Variants in PDE8B observed in about 807,000 individuals in gnomAD.
PDE8B encodes the protein phosphodiesterase 8B.
A neutral mutation model predicts 101.3 loss-of-function variants in PDE8B; 26 were observed. The ratio of observed to expected loss-of-function variants is 0.26; its 90% confidence interval spans 0.19 to 0.36. The LOEUF (loss-of-function observed/expected upper bound fraction) is 0.36, where lower values mean the gene tolerates loss of function less well. Ranked by LOEUF, PDE8B falls within the 10% of genes least tolerant of loss-of-function variation. PDE8B has a pLI of 1.00. For missense variants in PDE8B, 810 were observed against 1,163.1 expected (o/e 0.70, Z 4.42); for synonymous variants, 424 against 429.3 (o/e 0.99, Z 0.15).
the PDE8B span, among the ~76,000 whole-genome samples, chr5:77,204,432 C>T: frequency 3.5e-4 from 52 of 148,158 alleles, no homozygotes; most frequent in Non-Finnish European, 5.1e-4. Flanking sequence ...AAAAAGTATT[C>T]ATGTTAATCA....
At position 77,427,245 on chromosome 5, in the gene PDE8B, TAACAA is replaced by T. The variant is rs1337371226; in HGVS notation, c.*693_*697del. On this transcript the variant is annotated 3_prime_UTR_variant, in exon 22 of 22. Coordinates refer to ENST00000264917, the MANE Select transcript of PDE8B (RefSeq NM_003719.5). ...CCTTTCCTGTAAAAGGGGTTCATCT[TAACAA>T]AGTCATCCATGATGAGGGAAAAAGT... The T allele has an allele frequency of 2.6e-5, 4 of 152,638 alleles. No homozygotes were observed. Among genetic ancestry groups the T allele is most frequent in the African/African-American group, 9.6e-5 (4 of 41,538 alleles). 9.5% of individuals were successfully genotyped at this position (152,638 alleles called of 1,614,324 possible).
chr5:77,121,173 C>T, the PDE8B span, among the ~76,000 whole-genome samples: 60 of 152,320 alleles, frequency 3.9e-4, no homozygotes, highest in African/African-American at 1.4e-3. Flanking sequence ...TCAGGGTCTG[C>T]CATGACATTA....
At chr5:77,131,834 C>T in the PDE8B span, among the ~76,000 whole-genome samples, 1 of 152,188 alleles carries the variant, frequency 6.6e-6, no homozygotes, top group East Asian at 1.9e-4. Flanking sequence ...ATTGATAGGG[C>T]CCCTTTCCAG....
intron 1 of PDE8B, among the ~76,000 whole-genome samples, chr5:77,242,321 T>C (rs751793095): frequency 1.3e-4 from 20 of 152,178 alleles, no homozygotes; most frequent in Non-Finnish European, 2.2e-4. Flanking sequence ...GGTGGCCAAA[T>C]ATCAGTAGCA....
In PDE8B at chr5:77,282,333, C is replaced by G. The variant is rs562166399; in HGVS notation, c.340-29661C>G. On this transcript the variant is annotated intron_variant, in intron 1 of 21. Transcript: ENST00000264917. Reference sequence around the variant, plus strand: ...CTCTCTCCCAGCAGGATAAGTGCAGCTCAGGAACCCAAGCAGAGGACTGTG... The same window carrying G: ...CTCTCTCCCAGCAGGATAAGTGCAGGTCAGGAACCCAAGCAGAGGACTGTG... 5.3e-5 allele frequency among the ~76,000 whole-genome samples: 8 copies of G among 152,110 alleles called. No homozygotes were observed. In the South Asian group the frequency reaches 1.7e-3, roughly 32 times the overall value.
At chr5:77,179,083 A>G in the PDE8B span, among the ~76,000 whole-genome samples, 1 of 152,344 alleles carries the variant, frequency 6.6e-6, no homozygotes, top group East Asian at 1.9e-4. Context: ...GACACCAGGC[A>G]ATGGGGATCA....
chr5:77,371,991 A>G (rs895660671), intron 10 of PDE8B, among the ~76,000 whole-genome samples: 1 of 152,112 alleles, frequency 6.6e-6, no homozygotes, highest in Non-Finnish European at 1.5e-5. Flanking sequence ...ACTTCAGGCC[A>G]GGAGTTTGAG....
intron 1 of PDE8B, among the ~76,000 whole-genome samples, chr5:77,276,347 C>G (rs535140987): frequency 1.3e-5 from 2 of 152,218 alleles, no homozygotes; most frequent in African/African-American, 4.8e-5. Context: ...GCTCAAAGGC[C>G]TCTACCTCAG....
intron 2 of PDE8B, among the ~76,000 whole-genome samples, chr5:77,318,123 G>T (rs1774242106): frequency 6.6e-6 from 1 of 151,558 alleles, no homozygotes; most frequent in Non-Finnish European, 1.5e-5. Flanking sequence ...ATGTTGTAGG[G>T]CATGGGTTTT....
chr5:77,125,684 A>C, the PDE8B span, among the ~76,000 whole-genome samples: 2 of 152,238 alleles, frequency 1.3e-5, no homozygotes, highest in Admixed American at 1.3e-4. Flanking sequence ...TGAAAACATT[A>C]TGCTAACTAA....
At chr5:77,351,266 T>G in intron 9 of PDE8B, 113 bp downstream of exon 9, 1 of 821,022 alleles carries the variant, frequency 1.2e-6, no homozygotes, top group Admixed American at 2.0e-5. Flanking sequence ...AGTAGGGTTG[T>G]GCTGAATGTA....
In PDE8B at chr5:77,396,329, G is replaced by A. The variant is rs1156701262; in HGVS notation, c.1168-3919G>A. ...TAGATAGCTTTGAGGCTAATGATCT[G>A]AGCTCAGACAGACCCACATTTGAGC... On this transcript the variant is annotated intron_variant, in intron 10 of 21. Coordinates refer to ENST00000264917, the MANE Select transcript of PDE8B (RefSeq NM_003719.5). Among the ~76,000 whole-genome samples the A allele has an allele frequency of 2.6e-5, 4 of 152,296 alleles. No homozygotes were observed. In the East Asian group the frequency reaches 7.7e-4, roughly 29 times the overall value.
In PDE8B at chr5:77,413,303, A is replaced by G. The variant is rs777525690; in HGVS notation, c.1905A>G (p.Arg635=). 1.1e-5 allele frequency: 18 copies of G among 1,613,456 alleles called. No individual in the cohort carries two copies. The Middle Eastern group carries it at 1.3e-3, about 118-fold the overall frequency. Residue 635 remains arginine (R), a synonymous_variant, in exon 17 of 22, where the codon AGA becomes AGG. Coordinates refer to ENST00000264917, the MANE Select transcript of PDE8B (RefSeq NM_003719.5). ...HATAFFLGKE[R]VKGSLDQLDE... The stretch of plus-strand genomic sequence containing the variant: ...CCGCTTTCTTTCTTGGAAAGGAAAG[A>G]GTAAAGGTAGGATTTTGATATCATG...
the PDE8B span, among the ~76,000 whole-genome samples, chr5:77,194,455 G>A: frequency 2.0e-5 from 3 of 152,088 alleles, no homozygotes; most frequent in Non-Finnish European, 4.4e-5. Flanking sequence ...ATGAAATTCA[G>A]ATTTGTAACA....
At chr5:77,404,141 C>T (rs1406522180) in intron 11 of PDE8B, among the ~76,000 whole-genome samples, 1 of 152,184 alleles carries the variant, frequency 6.6e-6, no homozygotes, top group African/African-American at 2.4e-5. Context: ...GCATGCTCAA[C>T]CATGCCCGGC....
At chr5:77,234,660 T>C (rs1229468534) in intron 1 of PDE8B, among the ~76,000 whole-genome samples, 1 of 152,136 alleles carries the variant, frequency 6.6e-6, no homozygotes, top group Non-Finnish European at 1.5e-5. Context: ...TACCTTTCCA[T>C]AGAAGTTTGA....
chr5:77,299,619 T>G (rs1769451099), intron 1 of PDE8B, among the ~76,000 whole-genome samples: 1 of 152,098 alleles, frequency 6.6e-6, no homozygotes, highest in South Asian at 2.1e-4. Flanking sequence ...TTTTTATGGC[T>G]GCATAGTATT....
chr5:77,299,970 A>G (rs1769545181), intron 1 of PDE8B, among the ~76,000 whole-genome samples: 1 of 152,222 alleles, frequency 6.6e-6, no homozygotes, highest in Admixed American at 6.5e-5. Flanking sequence ...CCATGTATGC[A>G]GTGGAGTAGG....
At chr5:77,168,639 G>A in the PDE8B span, among the ~76,000 whole-genome samples, 1 of 152,342 alleles carries the variant, frequency 6.6e-6, no homozygotes, top group African/African-American at 2.4e-5. Flanking sequence ...GCCTGTGATG[G>A]GGAAGAGAAT....
Sources: allele counts gnomAD v4.1 joint callset (sites outside exome capture counted in the v4.1 genomes callset), GRCh38; gene constraint gnomAD v4.1.1; transcripts MANE v1.5; gene names NCBI Gene and HGNC (gene_info 2026-07-23, HGNC 2026-07-21).